The following ZKSCAN4 variants were observed in gnomAD, a reference collection of about 807,000 sequenced individuals.
ZKSCAN4 encodes the protein zinc finger protein with KRAB and SCAN domains 4.
A neutral mutation model predicts 30.8 loss-of-function variants in ZKSCAN4; 23 were observed. The ratio of observed to expected loss-of-function variants is 0.75; its 90% confidence interval spans 0.54 to 1.06. The LOEUF (loss-of-function observed/expected upper bound fraction) is 1.06, where lower values mean the gene tolerates loss of function less well. Ranked by LOEUF, ZKSCAN4 falls within the 50% of genes least tolerant of loss-of-function variation. ZKSCAN4 has a pLI of 0.00. For synonymous variants in ZKSCAN4, 208 were observed against 252.5 expected (o/e 0.82, Z 1.67); for missense variants, 556 against 665.4 (o/e 0.84, Z 1.81).
chr6:28,246,962 G>C lies in ZKSCAN4; in HGVS notation c.778+7C>G. On this transcript the variant is annotated splice_region_variant and intron_variant, in intron 4 of 4. Coordinates refer to ENST00000377294, the MANE Select transcript of ZKSCAN4 (RefSeq NM_019110.5). Reference sequence around the variant, plus strand: ...AATCTTAAGACAAATTAGTGTCTCAGTCTTACCAAGGGAGACCAGGCTGCT... The same window carrying C: ...AATCTTAAGACAAATTAGTGTCTCACTCTTACCAAGGGAGACCAGGCTGCT... 6.2e-7 allele frequency: 1 copy of C among 1,603,958 alleles called. No homozygotes were observed.
chr6:28,244,903 C>T lies in ZKSCAN4; in HGVS notation c.*213G>A. ...TTTAGGTCCTACAACTTCCAGACCA[C>T]TCTCCCATGGCCTCTTATCAAATGA... On this transcript the variant is annotated 3_prime_UTR_variant, in exon 5 of 5. Coordinates refer to ENST00000377294, the MANE Select transcript of ZKSCAN4 (RefSeq NM_019110.5). 3.0e-6 allele frequency: 2 copies of T among 672,370 alleles called. No homozygotes were observed. The highest frequency in any genetic ancestry group is 1.7e-5 in the South Asian group (1 of 59,862). The allele number at this position is 672,370 out of a possible 1,614,324, so 41.7% of individuals were successfully genotyped here.
rs1431746091 is a variant in ZKSCAN4, at chr6:28,249,643, G to A, written c.571+44C>T. The A allele has an allele frequency of 2.5e-6, 4 of 1,582,362 alleles. No homozygotes were observed. Among genetic ancestry groups the A allele is most frequent in the Non-Finnish European group, 3.4e-6 (4 of 1,162,026 alleles). ...TTTAGGTGATCCTTAAATGAAATTG[G>A]ATGAAGTCTATAGAATTCATACAAC... On this transcript the variant is annotated intron_variant, in intron 2 of 4. Coordinates refer to ENST00000377294, the MANE Select transcript of ZKSCAN4 (RefSeq NM_019110.5). This position sits in a 1 kb window ranked among gnomAD's most constrained non-coding sequence, Gnocchi z 4.1.
rs900017754 is a variant in ZKSCAN4 at position 28,243,367 on chromosome 6, A to G, written c.*1749T>C. Among the ~76,000 whole-genome samples, 2 of 152,218 alleles carry G rather than the reference A, an allele frequency of 1.3e-5. No homozygotes were observed. The highest frequency in any genetic ancestry group is 2.9e-5 in the Non-Finnish European group (2 of 68,028). On this transcript the variant is annotated 3_prime_UTR_variant, in exon 5 of 5. Coordinates refer to ENST00000377294, the MANE Select transcript of ZKSCAN4 (RefSeq NM_019110.5). ...GTATTTGAGGATAGACAAGAACACG[A>G]TGCTGGTGACTGAATAAAACATGGT...
At position 28,249,773 on chromosome 6, in the gene ZKSCAN4, G is replaced by A. The variant is rs1760907033; in HGVS notation, c.485C>T (p.Thr162Ile). Reference protein sequence around the residue: ...LCCKMALLTQTQGSQSSQCQP... With the variant: ...LCCKMALLTQIQGSQSSQCQP... ...GCACTGGCTACTTTGAGACCCTTGA[G>A]TTTGTGTCAATAGTGCCATCTTGCA... The change falls in exon 2 of 5, where the codon ACT becomes ATT. Residue 162 changes from threonine (T) to isoleucine (I), a missense_variant. Around this residue, in one of 3 missense-constraint regions of ZKSCAN4, gnomAD observed 433 missense variants for 511.5 expected, o/e 0.85. Coordinates refer to ENST00000377294, the MANE Select transcript of ZKSCAN4 (RefSeq NM_019110.5). This position sits in a 1 kb window ranked among gnomAD's most constrained non-coding sequence, Gnocchi z 4.1. 1.9e-6 allele frequency: 3 copies of A among 1,614,144 alleles called. No homozygotes were observed. Among genetic ancestry groups the A allele is most frequent in the Non-Finnish European group, 2.5e-6 (3 of 1,180,020 alleles).
Position 28,246,996 on chromosome 6 carries a change from C to T in ZKSCAN4, c.751G>A (p.Glu251Lys). ...AGGGAGACCAGGCTGCTATGGTTCT[C>T]CTGCTTTTCATCTCTGTAGAGGTTC... ...QVNLYRDEKQ[E>K]NHSSLVSLGG... Residue 251 changes from glutamate to lysine, a missense_variant, in exon 4 of 5, where the codon GAG becomes AAG. Around this residue, in one of 3 missense-constraint regions of ZKSCAN4, gnomAD observed 433 missense variants for 511.5 expected, o/e 0.85. Coordinates refer to ENST00000377294, the MANE Select transcript of ZKSCAN4 (RefSeq NM_019110.5). 1 of 1,612,496 alleles carries T rather than the reference C, an allele frequency of 6.2e-7. No homozygotes were observed. The highest frequency in any genetic ancestry group is 8.5e-7 in the Non-Finnish European group (1 of 1,179,316).
chr6:28,249,561 T>G lies in ZKSCAN4; in HGVS notation c.571+126A>C. 1 of 1,139,750 alleles carries G rather than the reference T, an allele frequency of 8.8e-7. No individual in the cohort carries two copies. The highest frequency in any genetic ancestry group is 1.2e-6 in the Non-Finnish European group (1 of 835,314). The allele number at this position is 1,139,750 out of a possible 1,614,324, so 70.6% of individuals were successfully genotyped here. On this transcript the variant is annotated intron_variant, in intron 2 of 4. Transcript: ENST00000377294. The surrounding 1 kb of genome is among the most constrained non-coding windows in gnomAD (Gnocchi z 4.1). Reference sequence around the variant, plus strand: ...CCATTGTTTGAAATTTCTCTTAGTCTCAGTCTTAAAATACAGCTCTCTGTG... The same window carrying G: ...CCATTGTTTGAAATTTCTCTTAGTCGCAGTCTTAAAATACAGCTCTCTGTG...
rs764154124 is a variant in ZKSCAN4 at position 28,246,989 on chromosome 6, T to C, written c.758A>G (p.His253Arg). 1 of 1,612,158 alleles carries C rather than the reference T, an allele frequency of 6.2e-7. No individual in the cohort carries two copies. Among genetic ancestry groups the C allele is most frequent in the South Asian group, 1.1e-5 (1 of 90,532 alleles). Residue 253 changes from histidine (H) to arginine (R), a missense_variant, in exon 4 of 5, where the codon CAT becomes CGT. Around this residue, in one of 3 missense-constraint regions of ZKSCAN4, gnomAD observed 433 missense variants for 511.5 expected, o/e 0.85. Coordinates refer to ENST00000377294, the MANE Select transcript of ZKSCAN4 (RefSeq NM_019110.5). ...CTTACCAAGGGAGACCAGGCTGCTA[T>C]GGTTCTCCTGCTTTTCATCTCTGTA... is the stretch of plus-strand genomic sequence containing the variant. ...NLYRDEKQEN[H>R]SSLVSLGGEI...
upstream of ZKSCAN4, among the ~76,000 whole-genome samples, chr6:28,255,814 G>T (rs1761159528): frequency 2.0e-5 from 3 of 151,688 alleles, no homozygotes. Context: ...GGCCCTGGGG[G>T]GTAAAGGCTG....
In ZKSCAN4 at chr6:28,244,753, AAATG is replaced by A. The variant is rs762782393; in HGVS notation, c.*359_*362del. 32 of 306,670 alleles carry A rather than the reference AAATG, an allele frequency of 1.0e-4. No individual in the cohort carries two copies. The highest frequency in any genetic ancestry group is 4.1e-4 in the South Asian group (12 of 29,274). 19.0% of individuals were successfully genotyped at this position (306,670 alleles called of 1,614,324 possible). ...ATTTGTGAAAGATTCATTAGAGGCA[AAATG>A]AATGGTCAGAGCAGCAGCCCCCCAC... On this transcript the variant is annotated 3_prime_UTR_variant, in exon 5 of 5. Coordinates refer to ENST00000377294, the MANE Select transcript of ZKSCAN4 (RefSeq NM_019110.5).
Position 28,251,632 on chromosome 6 carries a change from G to A in ZKSCAN4, c.349C>T (p.His117Tyr). 1 of 1,614,130 alleles carries A rather than the reference G, an allele frequency of 6.2e-7. No individual in the cohort carries two copies. The highest frequency in any genetic ancestry group is 8.5e-7 in the Non-Finnish European group (1 of 1,179,998). ...ACCACCTCCTCCCCGCTCTCTGGATGCTGCTCCCGCACCCAGCTCTGCAGA... is the reference window on the plus strand; with the variant it reads ...ACCACCTCCTCCCCGCTCTCTGGATACTGCTCCCGCACCCAGCTCTGCAGA... ...GNLQSWVREQ[H>Y]PESGEEVVVL... Residue 117 changes from histidine (H) to tyrosine (Y), a missense_variant, in exon 1 of 5, where the codon CAT (histidine) becomes TAT (tyrosine). Physicochemically the swap from His to Tyr is moderately conservative, Grantham distance 83 (BLOSUM62 2). Coordinates refer to ENST00000377294, the MANE Select transcript of ZKSCAN4 (RefSeq NM_019110.5). The surrounding 1 kb of genome is among the most constrained non-coding windows in gnomAD (Gnocchi z 4.5).
At chr6:28,248,182 C>A in intron 2 of ZKSCAN4, 33 bp from the exon 3 acceptor site, 1 of 1,556,340 alleles carries the variant, frequency 6.4e-7, no homozygotes, top group Non-Finnish European at 8.8e-7. Flanking sequence ...ATGAGAACTA[C>A]CCTAGTATTC....
At chr6:28,255,002 C>A (rs1273034950), upstream of ZKSCAN4, among the ~76,000 whole-genome samples, 2 of 152,124 alleles carry the variant, frequency 1.3e-5, no homozygotes, top group African/African-American at 4.8e-5. Flanking sequence ...ATGTTAAATT[C>A]AACCTGTTCA....
In ZKSCAN4 at chr6:28,243,437, A is replaced by G. The variant is rs142201007; in HGVS notation, c.*1679T>C. On this transcript the variant is annotated 3_prime_UTR_variant, in exon 5 of 5. Coordinates refer to ENST00000377294, the MANE Select transcript of ZKSCAN4 (RefSeq NM_019110.5). ...AGAATCCATTCATGACAGTCTGGCA[A>G]TGCTGGAAGATGGTAATAGGCACTT... Among the ~76,000 whole-genome samples, 570 of 152,332 alleles carry G rather than the reference A, an allele frequency of 3.7e-3. 7 individuals are homozygous for G. The highest frequency in any genetic ancestry group is 0.012 in the Admixed American group (176 of 15,302).
chr6:28,256,865 T>A (rs2113697344), upstream of ZKSCAN4, among the ~76,000 whole-genome samples: 1 of 152,344 alleles, frequency 6.6e-6, no homozygotes, highest in East Asian at 1.9e-4. Flanking sequence ...ATCTTTATAT[T>A]TTTTAATGGC....
intron 1 of ZKSCAN4, among the ~76,000 whole-genome samples, chr6:28,250,071 GTT>G (rs374027640): frequency 7.2e-6 from 1 of 139,608 alleles, no homozygotes; most frequent in Non-Finnish European, 1.6e-5. Context: ...TGGTTTTTTT[GTT>G]TTTTTTTTTT....
In ZKSCAN4 at chr6:28,251,473, C is replaced by T. The variant is rs1277215227; in HGVS notation, c.423+85G>A. 4.4e-6 allele frequency: 7 copies of T among 1,607,568 alleles called. No individual in the cohort carries two copies. Among genetic ancestry groups the T allele is most frequent in the Admixed American group, 1.7e-5 (1 of 58,994 alleles). On this transcript the variant is annotated intron_variant, in intron 1 of 4. Coordinates refer to ENST00000377294, the MANE Select transcript of ZKSCAN4 (RefSeq NM_019110.5). This position sits in a 1 kb window ranked among gnomAD's most constrained non-coding sequence, Gnocchi z 4.5. ...CAAAAAGAGATGAAGAACTCCTGGA[C>T]CTTAAAGGAATGCCCCTCGCTCCGA...
rs944206830 is a variant in ZKSCAN4, at chr6:28,251,821, G to C, written c.160C>G (p.Gln54Glu). The change falls in exon 1 of 5, where the codon CAG (glutamine) becomes GAG (glutamate). Residue 54 changes from glutamine to glutamate, a missense_variant. Coordinates refer to ENST00000377294, the MANE Select transcript of ZKSCAN4 (RefSeq NM_019110.5). The surrounding 1 kb of genome is among the most constrained non-coding windows in gnomAD (Gnocchi z 4.5). ...GGGTAGCGGAAGCCTCGGAAGCGCT[G>C]GCGGGAGCGTTCGGGGCCCCGAGCA... The part of the protein sequence containing the change: ...SPARGPERSR[Q>E]RFRGFRYPEA... 1 of 1,612,130 alleles carries C rather than the reference G, an allele frequency of 6.2e-7. No individual in the cohort carries two copies. The highest frequency in any genetic ancestry group is 8.5e-7 in the Non-Finnish European group (1 of 1,178,748).
At position 28,249,826 on chromosome 6, in the gene ZKSCAN4, A is replaced by G. The variant is rs549716963; in HGVS notation, c.432T>C (p.Val144=). The G allele has an allele frequency of 1.2e-6, 2 of 1,613,788 alleles. No homozygotes were observed. The highest frequency in any genetic ancestry group is 2.2e-5 in the East Asian group (1 of 44,880). The change falls in exon 2 of 5, where the codon GTT becomes GTC. Residue 144 remains valine (V), a synonymous_variant. Transcript: ENST00000377294. The surrounding 1 kb of genome is among the most constrained non-coding windows in gnomAD (Gnocchi z 4.1). The part of the protein sequence containing the change: ...QLDEPAPQVP[V]GDQGQELLCC... ...AGAGCAGTTCTTGCCCCTGGTCACC[A>G]ACGGGAACCTAGAAGTCACGATTTT... is the stretch of plus-strand genomic sequence containing the variant.
rs1760984146 is a variant in ZKSCAN4, at chr6:28,251,368, T to C, written c.423+190A>G. On this transcript the variant is annotated intron_variant, in intron 1 of 4. Transcript: ENST00000377294. The surrounding 1 kb of genome is among the most constrained non-coding windows in gnomAD (Gnocchi z 4.5). Reference sequence around the variant, plus strand: ...AGTTGTGTTCTTTTGTAATCCTTTATAGTTTCTTTATATATTTAAAAATAT... The same window carrying C: ...AGTTGTGTTCTTTTGTAATCCTTTACAGTTTCTTTATATATTTAAAAATAT... 5.9e-6 allele frequency: 5 copies of C among 850,966 alleles called. No homozygotes were observed. Among genetic ancestry groups the C allele is most frequent in the African/African-American group, 1.7e-5 (1 of 58,238 alleles). 52.7% of individuals were successfully genotyped at this position (850,966 alleles called of 1,614,324 possible). A position where few individuals can be genotyped will look rare whatever the true frequency, so the allele number is the denominator to read the frequency against.
Sources: gnomAD v4.1 joint callset for allele counts (sites outside exome capture counted in the v4.1 genomes callset) on GRCh38, gnomAD v4.1.1 for gene constraint, gnomAD v4.1.1 regional missense constraint, Gnocchi (gnomAD v3.1) non-coding constraint, MANE v1.5 for transcripts, NCBI Gene and HGNC (gene_info 2026-07-23, HGNC 2026-07-21) for gene names.